The following ZNF567 variants were observed in gnomAD, a reference collection of about 807,000 sequenced individuals.
The protein encoded by ZNF567 is zinc finger protein 567.
Under a neutral mutation model 53.9 loss-of-function variants are expected in ZNF567, and 36 were observed. The ratio of observed to expected loss-of-function variants is 0.67; its 90% CI spans 0.51 to 0.88. The LOEUF is 0.88. Among genes scored for constraint, ZNF567 ranks in the 40% least tolerant of loss-of-function variants. The pLI, the probability that ZNF567 is intolerant of heterozygous loss-of-function variation, is 0.00. For synonymous variants in ZNF567, 224 were observed against 260.4 expected, an observed-to-expected ratio of 0.86 and a Z score of 1.35; for missense variants, 619 against 764.7, an observed-to-expected ratio of 0.81 and a Z score of 2.25.
chr19:36,705,825 C>T (rs1330338048), intron 3 of ZNF567, among the ~76,000 whole-genome samples: 1 of 152,026 alleles, frequency 6.6e-6, no homozygotes, highest in Non-Finnish European at 1.5e-5. Flanking sequence ...TTGTTGTATC[C>T]TCTCATGAAT....
At chr19:36,690,869 A>C (rs1214069203) in intron 2 of ZNF567, among the ~76,000 whole-genome samples, 1 of 152,226 alleles carries the variant, frequency 6.6e-6, no homozygotes, top group East Asian at 1.9e-4. Context: ...AATGTGTAAC[A>C]CTGAGCAAGC....
intron 3 of ZNF567, among the ~76,000 whole-genome samples, chr19:36,704,179 C>G (rs1458791885): frequency 6.6e-6 from 1 of 152,146 alleles, no homozygotes; most frequent in Admixed American, 6.5e-5. Flanking sequence ...GTGGCTCATG[C>G]CTGTAATCTC....
downstream of ZNF567, among the ~76,000 whole-genome samples, chr19:36,722,911 G>T (rs1472858084): frequency 6.6e-6 from 1 of 150,794 alleles, no homozygotes; most frequent in Admixed American, 6.6e-5. Flanking sequence ...ATAATGACTA[G>T]ACATGTCATT....
In ZNF567 at chr19:36,720,002, T is replaced by G; in HGVS notation, c.1278T>G (p.Cys426Trp). ...TGEKPYICNE[C>W]GKSFSQKTTL... ...AAAAGCCCTATATTTGTAATGAATG[T>G]GGGAAATCCTTCTCCCAGAAGACAA... Residue 426 changes from cysteine to tryptophan, a missense_variant, in exon 6 of 6, where the codon TGT (cysteine) becomes TGG (tryptophan). Cys to Trp is a radical substitution (Grantham distance 215, BLOSUM62 -2). Transcript: ENST00000682579. 1 of 1,614,062 alleles carries G rather than the reference T, an allele frequency of 6.2e-7. No individual in the cohort carries two copies. The highest frequency in any genetic ancestry group is 8.5e-7 in the Non-Finnish European group (1 of 1,180,016).
chr19:36,709,707 TC>T (rs1360433640), intron 3 of ZNF567, among the ~76,000 whole-genome samples: 2 of 152,174 alleles, frequency 1.3e-5, no homozygotes, highest in Non-Finnish European at 2.9e-5. Context: ...CAAGCAGTCT[TC>T]CTGCCTCAGC....
At chr19:36,714,509 A>G (rs2039949860) in intron 5 of ZNF567, 1 of 398,454 alleles carries the variant, frequency 2.5e-6, no homozygotes, top group Non-Finnish European at 4.4e-6. Flanking sequence ...GTCTTTAAAA[A>G]GAGAAAATTA....
chr19:36,722,019 A>C (rs997449467), downstream of ZNF567, among the ~76,000 whole-genome samples: 3 of 152,118 alleles, frequency 2.0e-5, no homozygotes, highest in African/African-American at 7.2e-5. Flanking sequence ...CTGGGATTAC[A>C]GGGTGACCCA....
At chr19:36,685,005 C>T (rs35299345), upstream of ZNF567, among the ~76,000 whole-genome samples, 19,476 of 152,078 alleles carry the variant, frequency 0.13, 2,050 homozygotes, top group East Asian at 0.56. Context: ...AAGGGAGACC[C>T]GGCTGGCCGA....
chr19:36,674,415 A>C, the ZNF567 span, among the ~76,000 whole-genome samples: 12 of 152,338 alleles, frequency 7.9e-5, no homozygotes, highest in African/African-American at 2.9e-4. Flanking sequence ...AATTCATAGG[A>C]GCTCTGGGTG....
At chr19:36,675,668 G>A in the ZNF567 span, among the ~76,000 whole-genome samples, 6 of 151,958 alleles carry the variant, frequency 3.9e-5, no homozygotes, top group South Asian at 2.1e-4. Flanking sequence ...GCGAGACTCC[G>A]TCTCAAAAAA....
At chr19:36,692,118 C>A (rs1344116224) in intron 2 of ZNF567, among the ~76,000 whole-genome samples, 1 of 152,182 alleles carries the variant, frequency 6.6e-6, no homozygotes. Flanking sequence ...TACGAACATT[C>A]ACATTCGGGT....
At chr19:36,703,997 A>G (rs574752099) in intron 3 of ZNF567, among the ~76,000 whole-genome samples, 2 of 152,356 alleles carry the variant, frequency 1.3e-5, no homozygotes, top group South Asian at 4.1e-4. Context: ...TCAGATGGAA[A>G]TGCAGAAATC....
rs979975248 is a variant in ZNF567, at chr19:36,687,642, T to C, written c.-168+8T>C. 1 of 152,382 alleles carries C rather than the reference T, an allele frequency of 6.6e-6. No homozygotes were observed. The highest frequency in any genetic ancestry group is 2.4e-5 in the African/African-American group (1 of 41,436). The allele number at this position is 152,382 out of a possible 1,614,324, so 9.4% of individuals were successfully genotyped here. On this transcript the variant is annotated splice_region_variant and intron_variant, in intron 1 of 5. Coordinates refer to ENST00000682579, the MANE Select transcript of ZNF567 (RefSeq NM_001322917.1). ...CCCGGCCGGCAACCGAAGGTGAGGC[T>C]GGTGGGTCCCGCGGGCGCGGAGAAG...
chr19:36,700,472 T>C (rs1264307875), intron 3 of ZNF567, among the ~76,000 whole-genome samples: 1 of 151,024 alleles, frequency 6.6e-6, no homozygotes, highest in East Asian at 2.0e-4. Flanking sequence ...CTTTTTCTAT[T>C]GATTGGAATA....
chr19:36,693,568 G>A (rs2038729397), intron 2 of ZNF567, among the ~76,000 whole-genome samples: 2 of 152,158 alleles, frequency 1.3e-5, no homozygotes, highest in South Asian at 4.1e-4. Context: ...TAATAAAAAT[G>A]TTTGAACTTT....
rs755508795 is a variant in ZNF567, at chr19:36,720,490, A to G, written c.1766A>G (p.Tyr589Cys). The G allele has an allele frequency of 6.2e-7, 1 of 1,613,974 alleles. No individual in the cohort carries two copies. Among genetic ancestry groups the G allele is most frequent in the South Asian group, 1.1e-5 (1 of 91,086 alleles). ...AGAACTCATACGGGAGAGAAACCAT[A>G]TAAATGTAGTGAATGTGGAAAGTGC... is the stretch of plus-strand genomic sequence containing the variant. ...HQRTHTGEKP[Y>C]KCSECGKCFR... The change falls in exon 6 of 6, where the codon TAT becomes TGT. Residue 589 changes from tyrosine (Y) to cysteine (C), a missense_variant. Coordinates refer to ENST00000682579, the MANE Select transcript of ZNF567 (RefSeq NM_001322917.1).
chr19:36,704,273 A>T (rs911246891), intron 3 of ZNF567, among the ~76,000 whole-genome samples: 3 of 152,056 alleles, frequency 2.0e-5, no homozygotes, highest in Admixed American at 2.0e-4. Flanking sequence ...ATACAAAAAA[A>T]ATTATCTGGA....
At chr19:36,697,356 A>G (rs2038936941) in intron 3 of ZNF567, among the ~76,000 whole-genome samples, 1 of 151,946 alleles carries the variant, frequency 6.6e-6, no homozygotes, top group Admixed American at 6.6e-5. Flanking sequence ...CTCTTATTCT[A>G]GTAATTTTTT....
chr19:36,699,665 T>A (rs2039072017), intron 3 of ZNF567, among the ~76,000 whole-genome samples: 1 of 152,200 alleles, frequency 6.6e-6, no homozygotes, highest in Admixed American at 6.5e-5. Flanking sequence ...TTCCTAAGTA[T>A]TTTATTCTCT....
Sources: allele counts gnomAD v4.1 joint callset (sites outside exome capture counted in the v4.1 genomes callset), GRCh38; gene constraint gnomAD v4.1.1; transcripts MANE v1.5; gene names NCBI Gene and HGNC (gene_info 2026-07-23, HGNC 2026-07-21).